PCDHGA6: variants seen among roughly 807,000 people sequenced by gnomAD.
The protein encoded by PCDHGA6 is protocadherin gamma-A6.
Under a neutral mutation model 60.6 loss-of-function variants are expected in PCDHGA6, and 41 were observed. That is an observed-to-expected ratio of 0.68 (90% CI 0.53 to 0.88). PCDHGA6 has a LOEUF of 0.88. Among genes scored for constraint, PCDHGA6 ranks in the 40% least tolerant of loss-of-function variants. The probability of loss-of-function intolerance (pLI) is 0.00; values close to 1 mark genes in which losing one functional copy is unlikely to be tolerated. For missense variants in PCDHGA6, 1,312 were observed against 1,203.0 expected, an observed-to-expected ratio of 1.09 and a Z score of -1.34; for synonymous variants, 594 against 524.4, an observed-to-expected ratio of 1.13 and a Z score of -1.81.
rs781591902 is a variant in PCDHGA6, at chr5:141,477,086, G to A, written c.2425-17721G>A. The A allele has an allele frequency of 1.1e-5, 18 of 1,614,128 alleles. No individual in the cohort carries two copies. In the East Asian group the frequency reaches 3.8e-4, roughly 34 times the overall value. The stretch of plus-strand genomic sequence containing the variant: ...CAAACTCCATGAGATTTACATCCAG[G>A]CCAAAGACAAGGGCGCCAATCCCGA... On this transcript the variant is annotated intron_variant, in intron 1 of 3. Coordinates refer to ENST00000517434, the MANE Select transcript of PCDHGA6 (RefSeq NM_018919.3). The surrounding 1 kb of genome is among the most constrained non-coding windows in gnomAD (Gnocchi z 4.9).
Position 141,432,390 on chromosome 5 carries a change from G to A in PCDHGA6, c.2424+55883G>A. The A allele has an allele frequency of 6.2e-7, 1 of 1,614,256 alleles. No homozygotes were observed. The highest frequency in any genetic ancestry group is 8.5e-7 in the Non-Finnish European group (1 of 1,180,046). On this transcript the variant is annotated intron_variant, in intron 1 of 3. Transcript: ENST00000517434. This position sits in a 1 kb window ranked among gnomAD's most constrained non-coding sequence, Gnocchi z 6.0. ...GACAACGGGCACCCGCCCCTCAGCA[G>A]CAACGTGTCGTTGAGCCTGTTCGTG... is the stretch of plus-strand genomic sequence containing the variant.
At chr5:141,480,935 C>G (rs1297213622) in intron 1 of PCDHGA6, among the ~76,000 whole-genome samples, 1 of 152,092 alleles carries the variant, frequency 6.6e-6, no homozygotes, top group Non-Finnish European at 1.5e-5. Flanking sequence ...GTCCCAGCTA[C>G]TCTAGAGGCT....
Position 141,375,863 on chromosome 5 carries a change from G to A in PCDHGA6, c.1780G>A (p.Val594Met). 3 of 1,613,986 alleles carry A rather than the reference G, an allele frequency of 1.9e-6. No homozygotes were observed. Among genetic ancestry groups the A allele is most frequent in the East Asian group, 2.2e-5 (1 of 44,882 alleles). ...PGYLVTKVVA[V>M]DRDSGQNAWL... Reference sequence around the variant, plus strand: ...CTACCTGGTGACCAAGGTGGTGGCGGTGGACAGAGACTCGGGCCAGAACGC... The same window carrying A: ...CTACCTGGTGACCAAGGTGGTGGCGATGGACAGAGACTCGGGCCAGAACGC... The change falls in exon 1 of 4, where the codon GTG becomes ATG. Residue 594 changes from valine (V) to methionine (M), a missense_variant. By Grantham distance (21) the Val-to-Met change is conservative (BLOSUM62 1). Transcript: ENST00000517434.
intron 1 of PCDHGA6, chr5:141,392,574 C>G (rs2092557177): frequency 2.2e-6 from 1 of 454,134 alleles, no homozygotes; most frequent in African/African-American, 2.0e-5. Flanking sequence ...CTATTTAGGA[C>G]TGTAAGCGCC....
intron 1 of PCDHGA6, chr5:141,410,578 T>G: frequency 1.9e-6 from 3 of 1,610,984 alleles, no homozygotes; most frequent in Non-Finnish European, 2.5e-6. Context: ...TTCCACCTCA[T>G]GGTGGGGAGG....
Position 141,375,861 on chromosome 5 carries a change from C to A in PCDHGA6, c.1778C>A (p.Ala593Glu), listed in dbSNP as rs567912144. 1.5e-5 allele frequency: 24 copies of A among 1,613,986 alleles called. 2 individuals are homozygous for A. In the South Asian group the frequency reaches 2.0e-4, roughly 13 times the overall value. Residue 593 changes from alanine (A) to glutamate (E), a missense_variant, in exon 1 of 4, where the codon GCG becomes GAG. Ala to Glu is a moderately radical substitution (Grantham distance 107). Coordinates refer to ENST00000517434, the MANE Select transcript of PCDHGA6 (RefSeq NM_018919.3). ...GGCTACCTGGTGACCAAGGTGGTGG[C>A]GGTGGACAGAGACTCGGGCCAGAAC... Reference protein sequence around the residue: ...EPGYLVTKVVAVDRDSGQNAW... With the variant: ...EPGYLVTKVVEVDRDSGQNAW...
At chr5:141,424,928 T>C (rs2096848391) in intron 1 of PCDHGA6, among the ~76,000 whole-genome samples, 1 of 152,204 alleles carries the variant, frequency 6.6e-6, no homozygotes, top group South Asian at 2.1e-4. Flanking sequence ...ATCAATTCAG[T>C]CAACACTCTC....
intron 1 of PCDHGA6, among the ~76,000 whole-genome samples, chr5:141,436,292 G>T (rs2097808605): frequency 6.6e-6 from 1 of 152,158 alleles, no homozygotes; most frequent in Non-Finnish European, 1.5e-5. Context: ...ACAAATCATT[G>T]AGAGTTAGAG....
chr5:141,474,900 T>C (rs577411783), intron 1 of PCDHGA6, among the ~76,000 whole-genome samples: 2 of 152,368 alleles, frequency 1.3e-5, no homozygotes, highest in South Asian at 2.1e-4. Flanking sequence ...TCATTTCTTG[T>C]TCAAGGATAT....
chr5:141,483,013 A>C (rs2154579792), intron 1 of PCDHGA6, among the ~76,000 whole-genome samples: 1 of 152,106 alleles, frequency 6.6e-6, no homozygotes, highest in Middle Eastern at 3.4e-3. Flanking sequence ...TGAACCCGGG[A>C]GGCAGAGGTT....
intron 1 of PCDHGA6, chr5:141,413,929 C>T (rs2095693828): frequency 6.2e-7 from 1 of 1,613,342 alleles, no homozygotes; most frequent in South Asian, 1.1e-5. Context: ...GCCAGAATAC[C>T]GAGTGAGTGT....
intron 1 of PCDHGA6, chr5:141,388,789 T>G: frequency 1.9e-6 from 3 of 1,613,948 alleles, no homozygotes; most frequent in Non-Finnish European, 2.5e-6. Flanking sequence ...ATTACTGTTT[T>G]AAATACATTA....
At chr5:141,398,486 A>G (rs892086829) in intron 1 of PCDHGA6, 17 of 1,608,942 alleles carry the variant, frequency 1.1e-5, no homozygotes, top group Non-Finnish European at 1.4e-5. Flanking sequence ...TATCACGTGA[A>G]TGTGGAGATC....
Position 141,408,446 on chromosome 5 carries a change from G to A in PCDHGA6, c.2424+31939G>A, listed in dbSNP as rs371079756. 1.7e-5 allele frequency: 28 copies of A among 1,613,946 alleles called. No individual in the cohort carries two copies. Among genetic ancestry groups the A allele is most frequent in the Non-Finnish European group, 1.1e-5 (13 of 1,179,916 alleles). On this transcript the variant is annotated intron_variant, in intron 1 of 3. Transcript: ENST00000517434. ...GCACTTCAGCGTAGACGCGGAGAGC[G>A]GGGACTTACTTGTGAAGAACCGAAT...
Position 141,485,538 on chromosome 5 carries a change from A to T in PCDHGA6, c.2425-9269A>T. ...TTGGAAATGTACCGAGCAGAGGTAG[A>T]GATCGTAGATGTGAATGATCACGCC... On this transcript the variant is annotated intron_variant, in intron 1 of 3. Transcript: ENST00000517434. The surrounding 1 kb of genome is among the most constrained non-coding windows in gnomAD (Gnocchi z 5.7). The T allele has an allele frequency of 6.2e-7, 1 of 1,614,162 alleles. No individual in the cohort carries two copies. Among genetic ancestry groups the T allele is most frequent in the Admixed American group, 1.7e-5 (1 of 60,012 alleles).
Position 141,374,621 on chromosome 5 carries a change from G to A in PCDHGA6, c.538G>A (p.Val180Met), listed in dbSNP as rs1261974648. 6.2e-7 allele frequency: 1 copy of A among 1,613,482 alleles called. No homozygotes were observed. The highest frequency in any genetic ancestry group is 8.5e-7 in the Non-Finnish European group (1 of 1,179,636). ...FKLSGNSHFS[V>M]DVQSEAHGPK... Reference sequence around the variant, plus strand: ...GCTCAGTGGTAATAGTCACTTCTCAGTGGACGTGCAAAGCGAAGCCCATGG... The same window carrying A: ...GCTCAGTGGTAATAGTCACTTCTCAATGGACGTGCAAAGCGAAGCCCATGG... The change falls in exon 1 of 4, where the codon GTG becomes ATG. Residue 180 changes from valine (V) to methionine (M), a missense_variant. By Grantham distance (21) the Val-to-Met change is conservative (BLOSUM62 1). Transcript: ENST00000517434.
At chr5:141,427,972 C>T (rs1368719718) in intron 1 of PCDHGA6, 1 of 1,593,948 alleles carries the variant, frequency 6.3e-7, no homozygotes, top group South Asian at 1.1e-5. Flanking sequence ...GTGCTGTACC[C>T]CGCGCTGGGG....
At chr5:141,414,936 G>T in intron 1 of PCDHGA6, 1 of 1,614,118 alleles carries the variant, frequency 6.2e-7, no homozygotes, top group South Asian at 1.1e-5. Context: ...GCTCCGCAGA[G>T]CCCGGCTACC....
intron 1 of PCDHGA6, chr5:141,478,905 G>T (rs1593970684): frequency 1.1e-6 from 1 of 930,214 alleles, no homozygotes; most frequent in East Asian, 2.7e-5. Flanking sequence ...GGAATAAGCT[G>T]CTGGATACCT....
Sources: allele counts gnomAD v4.1 joint callset (sites outside exome capture counted in the v4.1 genomes callset), GRCh38; gene constraint gnomAD v4.1.1; non-coding constraint Gnocchi (gnomAD v3.1); transcripts MANE v1.5; gene names NCBI Gene and HGNC (gene_info 2026-07-23, HGNC 2026-07-21).